The following NUP210 variants were observed in gnomAD, a reference collection of about 807,000 sequenced individuals.
NUP210 encodes nucleoporin 210, also known as nuclear pore membrane glycoprotein 210.
Under a neutral mutation model 196.0 loss-of-function variants are expected in NUP210, and 151 were observed. The observed-to-expected ratio is 0.77, with a 90% CI of 0.67 to 0.88. The LOEUF is 0.88. NUP210 is among the 40% of genes least tolerant of loss of function. The pLI is 0.00. For missense variants in NUP210, 2,314 were observed against 2,493.7 expected (o/e 0.93, Z 1.53); for synonymous variants, 1,070 against 1,052.7 (o/e 1.02, Z -0.32).
rs1053511583 is a variant in NUP210 at position 13,322,340 on chromosome 3, C to G, written c.4769-1G>C. ...TCCCTCTGGGTGGGGGTGCACTCGC[C>G]TAGAGAGGGGAGAGACGAGAGGGTG... On this transcript the variant is annotated splice_acceptor_variant, in intron 34 of 39. Coordinates refer to ENST00000254508, the MANE Select transcript of NUP210 (RefSeq NM_024923.4). LOFTEE classifies it high-confidence loss of function. The G allele has an allele frequency of 6.2e-7, 1 of 1,614,154 alleles. No individual in the cohort carries two copies. The highest frequency in any genetic ancestry group is 1.7e-5 in the Admixed American group (1 of 60,026).
At chr3:13,353,300 CCCCCCATG>C (rs1698045331) in intron 18 of NUP210, among the ~76,000 whole-genome samples, 1 of 152,154 alleles carries the variant, frequency 6.6e-6, no homozygotes, top group African/African-American at 2.4e-5. Context: ...TGTGGCTGTA[CCCCCCATG>C]AGGTGGCTGT....
chr3:13,391,997 A>C (rs562286376), intron 3 of NUP210, among the ~76,000 whole-genome samples: 1 of 152,188 alleles, frequency 6.6e-6, no homozygotes, highest in African/African-American at 2.4e-5. Flanking sequence ...CCTGGGCCTC[A>C]TTCCCTCTGA....
Position 13,325,780 on chromosome 3 carries a change from C to A in NUP210, c.4644+15G>T. 6.2e-7 allele frequency: 1 copy of A among 1,612,396 alleles called. No individual in the cohort carries two copies. Among genetic ancestry groups the A allele is most frequent in the Non-Finnish European group, 8.5e-7 (1 of 1,179,106 alleles). ...GCCACTGAGCCACATGTGCCTCCGG[C>A]TGCTTAGAGCCCACCTCCTTGTAGG... On this transcript the variant is annotated intron_variant, in intron 33 of 39. Transcript: ENST00000254508.
In NUP210 at chr3:13,358,380, C is replaced by T; in HGVS notation, c.2170G>A (p.Val724Met). 6.2e-7 allele frequency: 1 copy of T among 1,611,758 alleles called. No homozygotes were observed. The highest frequency in any genetic ancestry group is 8.5e-7 in the Non-Finnish European group (1 of 1,178,554). The change falls in exon 16 of 40, where the codon GTG (valine) becomes ATG (methionine). Residue 724 changes from valine (V) to methionine (M), a missense_variant. Coordinates refer to ENST00000254508, the MANE Select transcript of NUP210 (RefSeq NM_024923.4). Reference sequence around the variant, plus strand: ...TTGGTGAGGCTGGGCTTGTTCCCCACCGACAGGGCGATGACCTGGTAGGGC... The same window carrying T: ...TTGGTGAGGCTGGGCTTGTTCCCCATCGACAGGGCGATGACCTGGTAGGGC... ...ALGEQVIALS[V>M]GNKPSLTNPF... is the part of the protein sequence containing the mutation.
chr3:13,365,824 C>A (rs1221449828), intron 14 of NUP210, 122 bp downstream of exon 14: 14 of 1,071,580 alleles, frequency 1.3e-5, no homozygotes, highest in Non-Finnish European at 1.7e-5. Context: ...GGAGAGGAAG[C>A]TGTGCCAAAA....
intron 1 of NUP210, among the ~76,000 whole-genome samples, chr3:13,413,480 A>C (rs1181064274): frequency 6.6e-6 from 1 of 151,602 alleles, no homozygotes; most frequent in East Asian, 1.9e-4. Flanking sequence ...AAAAAAAAAA[A>C]CAAACAAACA....
chr3:13,359,761 G>T (rs1698306868), intron 15 of NUP210, among the ~76,000 whole-genome samples: 1 of 152,148 alleles, frequency 6.6e-6, no homozygotes, highest in South Asian at 2.1e-4. Flanking sequence ...AGCATGTGGG[G>T]ATTCAGGTCA....
At chr3:13,353,481 G>T (rs1360114385) in intron 18 of NUP210, 73 bp downstream of exon 18, 3 of 1,235,560 alleles carry the variant, frequency 2.4e-6, no homozygotes, top group Non-Finnish European at 3.6e-6. Flanking sequence ...GTGATACCCG[G>T]TGGAATTTAA....
intron 33 of NUP210, among the ~76,000 whole-genome samples, chr3:13,324,756 C>CTA (rs1696677551): frequency 6.6e-6 from 1 of 152,198 alleles, no homozygotes; most frequent in African/African-American, 2.4e-5. Flanking sequence ...CAGCCTTGGT[C>CTA]TATAGCACTG....
At chr3:13,413,396 G>A (rs1041735385) in intron 1 of NUP210, among the ~76,000 whole-genome samples, 1 of 152,012 alleles carries the variant, frequency 6.6e-6, no homozygotes, top group African/African-American at 2.4e-5. Context: ...CATGAACCCG[G>A]GAGGCGGAGC....
At chr3:13,353,174 G>A (rs983286672) in intron 18 of NUP210, among the ~76,000 whole-genome samples, 4 of 152,106 alleles carry the variant, frequency 2.6e-5, no homozygotes, top group Admixed American at 2.0e-4. Context: ...CTCCCAAGAG[G>A]ACAATAGAAG....
At chr3:13,345,559 G>A (rs574424302) in intron 20 of NUP210, among the ~76,000 whole-genome samples, 4 of 152,314 alleles carry the variant, frequency 2.6e-5, no homozygotes, top group Non-Finnish European at 4.4e-5. Context: ...GAGGATCAAC[G>A]AGCTGGCCCG....
At chr3:13,415,725 T>C (rs1241569837) in intron 1 of NUP210, among the ~76,000 whole-genome samples, 1 of 152,168 alleles carries the variant, frequency 6.6e-6, no homozygotes, top group African/African-American at 2.4e-5. Context: ...TTACAGGCCC[T>C]GTTGCCTCAC....
chr3:13,419,623 C>T lies in NUP210; in HGVS notation c.167+437G>A, dbSNP rs557557401. 3.9e-3 allele frequency among the ~76,000 whole-genome samples: 598 copies of T among 152,344 alleles called. 6 individuals carry two copies. The highest frequency in any genetic ancestry group is 0.014 in the African/African-American group (583 of 41,588). On this transcript the variant is annotated intron_variant, in intron 1 of 39. Transcript: ENST00000254508. ...CGCTGCGCTTCGTTTCACAGACTCA[C>T]TTCCCACGCCAGGGCGAGGGCGGTC... is the stretch of plus-strand genomic sequence containing the variant.
intron 15 of NUP210, among the ~76,000 whole-genome samples, chr3:13,359,439 T>C (rs1698295938): frequency 1.3e-5 from 2 of 152,166 alleles, no homozygotes; most frequent in African/African-American, 4.8e-5. Context: ...CCAGGCATCT[T>C]TTCTGGCCAT....
At position 13,319,236 on chromosome 3, in the gene NUP210, T is replaced by C; in HGVS notation, c.5473A>G (p.Ile1825Val). 1.9e-6 allele frequency: 3 copies of C among 1,612,990 alleles called. No homozygotes were observed. The highest frequency in any genetic ancestry group is 2.5e-6 in the Non-Finnish European group (3 of 1,179,556). The change falls in exon 38 of 40, where the codon ATC becomes GTC. Residue 1825 changes from isoleucine to valine, a missense_variant. Coordinates refer to ENST00000254508, the MANE Select transcript of NUP210 (RefSeq NM_024923.4). ...FALLAGTAVM[I>V]IAYHTVCTPR... ...ATACAGGCAGCCTCCTCACCTATGA[T>C]CATGACCGCTGTCCCAGCCAACAGG... is the stretch of plus-strand genomic sequence containing the variant.
intron 13 of NUP210, among the ~76,000 whole-genome samples, chr3:13,368,831 A>G (rs1046600761): frequency 2.6e-5 from 4 of 152,164 alleles, no homozygotes; most frequent in African/African-American, 9.7e-5. Context: ...CATTCTTCCA[A>G]CGGTGGACAC....
rs1175897205 is a variant in NUP210 at position 13,321,335 on chromosome 3, C to A, written c.5166+250G>T. ...ACCTTTTCTGGGGTTCTCACTGCTGCCCCCACAAGCTTAACTTGTAGCTGG... is the reference window on the plus strand; with the variant it reads ...ACCTTTTCTGGGGTTCTCACTGCTGACCCCACAAGCTTAACTTGTAGCTGG... On this transcript the variant is annotated intron_variant, in intron 36 of 39. Coordinates refer to ENST00000254508, the MANE Select transcript of NUP210 (RefSeq NM_024923.4). Among the ~76,000 whole-genome samples the A allele has an allele frequency of 5.9e-5, 9 of 152,356 alleles. No individual in the cohort carries two copies. The South Asian group carries it at 1.4e-3, about 25-fold the overall frequency.
Position 13,388,471 on chromosome 3 carries a change from T to G in NUP210, c.534-18A>C, listed in dbSNP as rs562880518. The G allele has an allele frequency of 1.9e-4, 301 of 1,581,918 alleles. 5 individuals carry two copies. In the South Asian group the frequency reaches 3.2e-3, roughly 17 times the overall value. ...TGAGGATTCTGGAAAAGGAGCACGT[T>G]GTCAAAGTTTGTTGATCAAACCCCA... is the stretch of plus-strand genomic sequence containing the variant. On this transcript the variant is annotated intron_variant, in intron 4 of 39. Transcript: ENST00000254508.
Sources: gnomAD v4.1 joint callset for allele counts (sites outside exome capture counted in the v4.1 genomes callset) on GRCh38, gnomAD v4.1.1 for gene constraint, MANE v1.5 for transcripts, NCBI Gene and HGNC (gene_info 2026-07-23, HGNC 2026-07-21) for gene names.